NID2: variants seen among roughly 807,000 people sequenced by gnomAD.
The protein encoded by NID2 is nidogen-2.
In NID2, 83 loss-of-function variants were observed where a neutral mutation model predicts 145.4. The ratio of observed to expected loss-of-function variants is 0.57; its 90% CI spans 0.48 to 0.69. The LOEUF (loss-of-function observed/expected upper bound fraction) is 0.69, where lower values mean the gene tolerates loss of function less well. NID2 is among the 30% of genes least tolerant of loss of function. NID2 has a pLI of 0.00. For missense variants in NID2, 1,807 were observed against 1,765.7 expected (o/e 1.02, Z -0.42); for synonymous variants, 739 against 701.3 (o/e 1.05, Z -0.85).
chr14:52,015,399 C>G (rs1459598543), intron 14 of NID2, 124 bp from the exon 15 acceptor site: 2 of 869,400 alleles, frequency 2.3e-6, no homozygotes, highest in Admixed American at 2.9e-5. Context: ...GTCCAGGTCT[C>G]AGCCAAGCCC....
In NID2 at chr14:52,054,216, G is replaced by A; in HGVS notation, c.873C>T (p.His291=). Residue 291 remains histidine, a synonymous_variant, in exon 4 of 22, where the codon CAC becomes CAT. Coordinates refer to ENST00000216286, the MANE Select transcript of NID2 (RefSeq NM_007361.4). ...AGGAACGTCCCAGGGGAACAGAAGA[G>A]TGGGCAGCGGAAAGGTCTCCAACTG... ...PAAVGDLSAA[H]SSVPLGRSFS... The A allele has an allele frequency of 6.2e-7, 1 of 1,614,190 alleles. No individual in the cohort carries two copies. The highest frequency in any genetic ancestry group is 8.5e-7 in the Non-Finnish European group (1 of 1,180,030).
At chr14:52,005,664 G>A (rs557891912) in intron 21 of NID2, 73 bp downstream of exon 21, 4 of 1,396,292 alleles carry the variant, frequency 2.9e-6, no homozygotes, top group South Asian at 1.2e-5. Context: ...AGGCAGCAGG[G>A]GTAATCAAAT....
chr14:52,067,761 G>A, intron 2 of NID2, 97 bp downstream of exon 2: 1 of 1,403,550 alleles, frequency 7.1e-7, no homozygotes, highest in Middle Eastern at 2.5e-4. Context: ...GCAAGAGTAG[G>A]CTCAGAAACA....
chr14:52,035,335 C>A (rs8016169), intron 9 of NID2, among the ~76,000 whole-genome samples: 2 of 152,170 alleles, frequency 1.3e-5, no homozygotes, highest in Non-Finnish European at 2.9e-5. Flanking sequence ...ATAGTGTAAC[C>A]TTTTCCAGAA....
intron 19 of NID2, 44 bp from the exon 20 acceptor site, chr14:52,006,704 C>T (rs1403814639): frequency 6.2e-7 from 1 of 1,606,114 alleles, no homozygotes; most frequent in Admixed American, 1.7e-5. Context: ...AGCTGCTTTG[C>T]CAAAAATGAT....
At position 52,031,689 on chromosome 14, in the gene NID2, C is replaced by T. The variant is rs75115492; in HGVS notation, c.2258-1999G>A. Reference sequence around the variant, plus strand: ...CATCTGTAGGCAGACACTGGCAGTACCACCCATTTTACCACCTCCTCCTGG... The same window carrying T: ...CATCTGTAGGCAGACACTGGCAGTATCACCCATTTTACCACCTCCTCCTGG... On this transcript the variant is annotated intron_variant, in intron 9 of 21. Coordinates refer to ENST00000216286, the MANE Select transcript of NID2 (RefSeq NM_007361.4). Among the ~76,000 whole-genome samples the T allele has an allele frequency of 8.8e-3, 1,337 of 152,290 alleles. 18 individuals are homozygous for T. The highest frequency in any genetic ancestry group is 0.031 in the African/African-American group (1,280 of 41,536).
At chr14:52,027,145 G>T in intron 12 of NID2, 56 bp downstream of exon 12, 1 of 1,419,104 alleles carries the variant, frequency 7.0e-7, no homozygotes, top group Non-Finnish European at 9.3e-7. Context: ...CATCTATGTG[G>T]GGATGTGCAT....
intron 14 of NID2, 148 bp downstream of exon 14, chr14:52,018,913 T>A (rs1458523572): frequency 6.4e-6 from 4 of 621,968 alleles, no homozygotes; most frequent in Non-Finnish European, 1.2e-5. Flanking sequence ...AACATGCATA[T>A]TTGTACGCAC....
At chr14:52,034,902 G>A (rs1892000306) in intron 9 of NID2, among the ~76,000 whole-genome samples, 1 of 152,180 alleles carries the variant, frequency 6.6e-6, no homozygotes, top group African/African-American at 2.4e-5. Flanking sequence ...CTTCCCATCT[G>A]TAGAGTTCCC....
chr14:52,033,847 T>C (rs1891963904), intron 9 of NID2, among the ~76,000 whole-genome samples: 2 of 152,166 alleles, frequency 1.3e-5, no homozygotes, highest in Admixed American at 1.3e-4. Flanking sequence ...GAGGCAGTCA[T>C]GAGGCCACTG....
chr14:52,043,062 G>A (rs1378111798), intron 5 of NID2, 131 bp from the exon 6 acceptor site: 8 of 823,204 alleles, frequency 9.7e-6, no homozygotes, highest in Middle Eastern at 2.6e-4. Flanking sequence ...TTAAGAGACC[G>A]GCATAACATT....
In NID2 at chr14:52,005,366, T is replaced by G; in HGVS notation, c.*120A>C. ...TTTTTGCACTACAAAATGTTCATCT[T>G]GGATGCTCAGGAACGTCTAATGGCC... On this transcript the variant is annotated 3_prime_UTR_variant, in exon 22 of 22. Coordinates refer to ENST00000216286, the MANE Select transcript of NID2 (RefSeq NM_007361.4). 3.3e-6 allele frequency: 3 copies of G among 914,472 alleles called. No homozygotes were observed. The highest frequency in any genetic ancestry group is 4.7e-6 in the Non-Finnish European group (3 of 640,384). 56.6% of individuals were successfully genotyped at this position (914,472 alleles called of 1,614,324 possible).
At chr14:52,035,878 A>ATATATATATATATATATATATATAT (rs58318209) in intron 9 of NID2, among the ~76,000 whole-genome samples, 1 of 135,204 alleles carries the variant, frequency 7.4e-6, no homozygotes, top group Non-Finnish European at 1.5e-5. Context: ...ATATATATAT[A>ATATATATATATATATATATATATAT]TGTTTTATTT....
intron 12 of NID2, among the ~76,000 whole-genome samples, chr14:52,020,708 A>G (rs963487888): frequency 6.6e-6 from 1 of 152,240 alleles, no homozygotes; most frequent in Non-Finnish European, 1.5e-5. Flanking sequence ...GAATCTTACT[A>G]TCTAGAACCA....
In NID2 at chr14:52,015,167, AGGTCATCGCACTGGGGCACGTACT is replaced by A. The variant is rs747448519; in HGVS notation, c.3113_3136del (p.Gln1038_Asp1045del). On this transcript the variant is annotated inframe_deletion, in exon 15 of 22. Coordinates refer to ENST00000216286, the MANE Select transcript of NID2 (RefSeq NM_007361.4). ...GCACTGCAGGGGGATGAAGTGGCCC[AGGTCATCGCACTGGGGCACGTACT>A]GGTCATCCCGGGGGGTGCCACCGTA... 6.2e-7 allele frequency: 1 copy of A among 1,613,852 alleles called. No individual in the cohort carries two copies. Among genetic ancestry groups the A allele is most frequent in the Non-Finnish European group, 8.5e-7 (1 of 1,180,010 alleles).
chr14:52,038,659 T>G, intron 9 of NID2, 88 bp downstream of exon 9: 1 of 1,017,402 alleles, frequency 9.8e-7, no homozygotes, highest in Admixed American at 2.9e-5. Context: ...AGCATGGCAC[T>G]AGGTAACCCT....
intron 1 of NID2, 68 bp from the exon 2 acceptor site, chr14:52,068,231 G>T: frequency 1.4e-6 from 2 of 1,461,348 alleles, no homozygotes; most frequent in Non-Finnish European, 1.9e-6. Context: ...TTCGCGCAGG[G>T]AGGGAAGGGA....
In NID2 at chr14:52,007,890, ATTC is replaced by A. The variant is rs1245651105; in HGVS notation, c.3797_3799del (p.Arg1266del). The stretch of plus-strand genomic sequence containing the variant: ...CAATCCAATGTCTGTATTGATCAGA[ATTC>A]TTCTGTTTTCTCCATCTAAAGATGA... On this transcript the variant is annotated inframe_deletion, in exon 19 of 22. Coordinates refer to ENST00000216286, the MANE Select transcript of NID2 (RefSeq NM_007361.4). 1.2e-6 allele frequency: 2 copies of A among 1,613,974 alleles called. No homozygotes were observed. The highest frequency in any genetic ancestry group is 1.7e-6 in the Non-Finnish European group (2 of 1,179,866).
chr14:52,006,130 C>G, intron 20 of NID2: 1 of 450,082 alleles, frequency 2.2e-6, no homozygotes, highest in South Asian at 2.3e-5. Context: ...CATTTGAGAA[C>G]TAGTCTAAAT....
Sources: gnomAD v4.1 joint callset for allele counts (sites outside exome capture counted in the v4.1 genomes callset) on GRCh38, gnomAD v4.1.1 for gene constraint, MANE v1.5 for transcripts, NCBI Gene and HGNC (gene_info 2026-07-23, HGNC 2026-07-21) for gene names.